The following FGF1 variants were observed in gnomAD, a reference collection of about 807,000 sequenced individuals.
FGF1 encodes fibroblast growth factor 1.
Under a neutral mutation model 13.4 loss-of-function variants are expected in FGF1, and 9 were observed. The observed-to-expected ratio is 0.67, with a 90% CI of 0.40 to 1.17. The LOEUF (loss-of-function observed/expected upper bound fraction) is 1.17. Ranked by LOEUF, FGF1 falls within the 50% of genes most tolerant of loss-of-function variation. The probability of loss-of-function intolerance (pLI) is 0.01; values close to 1 mark genes in which losing one functional copy is unlikely to be tolerated. For synonymous variants in FGF1, 93 were observed against 79.0 expected (o/e 1.18, Z -0.94); for missense variants, 156 against 192.7 (o/e 0.81, Z 1.13).
chr5:142,608,652 T>C (rs1758352830), intron 2 of FGF1, among the ~76,000 whole-genome samples: 1 of 145,264 alleles, frequency 6.9e-6, no homozygotes, highest in Non-Finnish European at 1.5e-5. Context: ...TGTCTGCTTC[T>C]TTAAGGTCTG....
intron 1 of FGF1, among the ~76,000 whole-genome samples, chr5:142,661,920 G>A (rs769487475): frequency 2.4e-4 from 37 of 152,054 alleles, no homozygotes; most frequent in African/African-American, 6.7e-4. Context: ...GGAGAATGGC[G>A]TGAACCTAGG....
At chr5:142,678,948 T>C (rs1300213114) in intron 1 of FGF1, among the ~76,000 whole-genome samples, 1 of 152,142 alleles carries the variant, frequency 6.6e-6, no homozygotes, top group Non-Finnish European at 1.5e-5. Context: ...GGCCTGGAAC[T>C]TCACTCCCTA....
At chr5:142,620,634 C>T (rs556970793) in intron 1 of FGF1, among the ~76,000 whole-genome samples, 6 of 152,094 alleles carry the variant, frequency 3.9e-5, no homozygotes, top group East Asian at 1.9e-4. Context: ...GTGACAACTC[C>T]GCAATTATGG....
At chr5:142,668,718 C>T (rs1365121221) in intron 1 of FGF1, among the ~76,000 whole-genome samples, 1 of 152,230 alleles carries the variant, frequency 6.6e-6, no homozygotes, top group South Asian at 2.1e-4. Context: ...CACATTGCCT[C>T]ATATAAATAA....
At chr5:142,614,499 A>G (rs557259248) in intron 1 of FGF1, among the ~76,000 whole-genome samples, 1 of 152,284 alleles carries the variant, frequency 6.6e-6, no homozygotes, top group Non-Finnish European at 1.5e-5. Flanking sequence ...CACATCCTCA[A>G]ATTAAACACC....
chr5:142,619,388 C>A (rs1761016705), intron 1 of FGF1, among the ~76,000 whole-genome samples: 1 of 152,178 alleles, frequency 6.6e-6, no homozygotes, highest in Admixed American at 6.5e-5. Context: ...CCAGCATATA[C>A]AAAACAGGCC....
chr5:142,597,342 TA>T (rs905510581), intron 3 of FGF1, among the ~76,000 whole-genome samples: 2 of 152,200 alleles, frequency 1.3e-5, no homozygotes, highest in African/African-American at 4.8e-5. Context: ...CGATTAGGAG[TA>T]ACCTATATGT....
At chr5:142,620,034 G>T (rs1761209095) in intron 1 of FGF1, among the ~76,000 whole-genome samples, 1 of 151,424 alleles carries the variant, frequency 6.6e-6, no homozygotes, top group Non-Finnish European at 1.5e-5. Context: ...TCTGCACTCT[G>T]ATTACAAGAG....
At chr5:142,637,997 C>T (rs1764565514) in intron 1 of FGF1, among the ~76,000 whole-genome samples, 1 of 151,970 alleles carries the variant, frequency 6.6e-6, no homozygotes, top group Admixed American at 6.5e-5. Flanking sequence ...TTCACCTACT[C>T]AGCAAATGGT....
intron 1 of FGF1, among the ~76,000 whole-genome samples, chr5:142,635,557 C>T (rs1423385499): frequency 2.0e-5 from 3 of 152,210 alleles, no homozygotes; most frequent in Admixed American, 6.5e-5. Flanking sequence ...AGGTTTGCAG[C>T]GCCTGACGCT....
rs1754798893 is a variant in FGF1, at chr5:142,594,216, G to A, written c.*1074C>T. The A allele has an allele frequency of 6.6e-6, 1 of 152,166 alleles. No homozygotes were observed. Among genetic ancestry groups the A allele is most frequent in the African/African-American group, 2.4e-5 (1 of 41,426 alleles). 9.4% of individuals were successfully genotyped at this position (152,166 alleles called of 1,614,324 possible). On this transcript the variant is annotated 3_prime_UTR_variant, in exon 4 of 4. Transcript: ENST00000337706. ...GACCCTGCTCCTTAATGTATGGCGGGTAAGGCAGCAGTATTGTCAGCACCT... is the reference window on the plus strand; with the variant it reads ...GACCCTGCTCCTTAATGTATGGCGGATAAGGCAGCAGTATTGTCAGCACCT...
At chr5:142,604,874 G>A (rs184278325) in intron 2 of FGF1, among the ~76,000 whole-genome samples, 3 of 152,212 alleles carry the variant, frequency 2.0e-5, no homozygotes, top group East Asian at 1.9e-4. Flanking sequence ...CAAATCCAGC[G>A]ATACTCTCCT....
chr5:142,596,316 T>C (rs1755238428), intron 3 of FGF1, among the ~76,000 whole-genome samples: 1 of 149,242 alleles, frequency 6.7e-6, no homozygotes, highest in African/African-American at 2.5e-5. Flanking sequence ...CAATTTTTTT[T>C]TTAATTAGCT....
intron 1 of FGF1, among the ~76,000 whole-genome samples, chr5:142,632,396 A>G (rs144612654): frequency 0.01 from 1,527 of 152,296 alleles, 11 homozygotes; most frequent in Middle Eastern, 0.017. Context: ...ACCACTCAGA[A>G]TTTCTCTTAT....
At chr5:142,687,053 T>A (rs867432647), upstream of FGF1, among the ~76,000 whole-genome samples, 1 of 152,176 alleles carries the variant, frequency 6.6e-6, no homozygotes, top group South Asian at 2.1e-4. Context: ...ACATGATTAA[T>A]AGTTTCCAAT....
At chr5:142,643,145 C>T (rs1330036999) in intron 1 of FGF1, among the ~76,000 whole-genome samples, 1 of 152,184 alleles carries the variant, frequency 6.6e-6, no homozygotes, top group African/African-American at 2.4e-5. Context: ...CTTGTACTGC[C>T]TATCAACAGA....
chr5:142,621,441 A>C (rs1761593651), intron 1 of FGF1: 1 of 147,826 alleles, frequency 6.8e-6, no homozygotes, highest in Non-Finnish European at 1.5e-5. Flanking sequence ...AGTCACACTC[A>C]CCCTTCAAAA....
intron 1 of FGF1, among the ~76,000 whole-genome samples, chr5:142,618,925 TTTTG>T (rs1395579148): frequency 0.077 from 6,697 of 86,728 alleles, 308 homozygotes; most frequent in African/African-American, 0.11. Context: ...TTTTTAGTTG[TTTTG>T]TTTTTTTTTT....
chr5:142,634,294 T>C (rs557579485), intron 1 of FGF1, among the ~76,000 whole-genome samples: 58 of 152,234 alleles, frequency 3.8e-4, no homozygotes, highest in African/African-American at 1.2e-3. Context: ...ACTTATTAAA[T>C]GCAGGGCTTT....
Sources: allele counts gnomAD v4.1 joint callset (sites outside exome capture counted in the v4.1 genomes callset), GRCh38; gene constraint gnomAD v4.1.1; transcripts MANE v1.5; gene names NCBI Gene and HGNC (gene_info 2026-07-23, HGNC 2026-07-21).